Variants in ECPAS observed in about 807,000 individuals in gnomAD.
ECPAS encodes Ecm29 proteasome adaptor and scaffold.
A neutral mutation model predicts 255.1 loss-of-function variants in ECPAS; 70 were observed. The ratio of observed to expected loss-of-function variants is 0.27; its 90% CI spans 0.23 to 0.33. The LOEUF is 0.33. ECPAS is among the 10% of genes least tolerant of loss of function. The probability of loss-of-function intolerance (pLI) is 1.00; values close to 1 mark genes in which losing one functional copy is unlikely to be tolerated. For missense variants in ECPAS, 1,817 were observed against 2,206.4 expected (o/e 0.82, Z 3.54); for synonymous variants, 784 against 775.0 (o/e 1.01, Z -0.19).
chr9:111,426,751 G>A (rs1348926290), intron 10 of ECPAS, among the ~76,000 whole-genome samples: 1 of 150,334 alleles, frequency 6.7e-6, no homozygotes, highest in East Asian at 1.9e-4. Context: ...AAGATCACTT[G>A]AGCCCAGGAG....
At chr9:111,411,337 G>C (rs551769450) in intron 21 of ECPAS, among the ~76,000 whole-genome samples, 195 bp from the exon 22 acceptor site, 1 of 152,316 alleles carries the variant, frequency 6.6e-6, no homozygotes, top group South Asian at 2.1e-4. Flanking sequence ...GTTTCTAACG[G>C]AATTTTGAGA....
Position 111,430,582 on chromosome 9 carries a change from C to A in ECPAS, c.895G>T (p.Val299Leu). Residue 299 changes from valine (V) to leucine (L), a missense_variant, in exon 9 of 50, where the codon GTG (valine) becomes TTG (leucine). Val to Leu is a conservative substitution (Grantham distance 32). This residue lies in a region of ECPAS where 573 missense variants were observed against 716.2 expected (regional missense o/e 0.80). Transcript: ENST00000684092. ...NPAIINKMYKVYLGDIPLKTK... is the reference protein window; with the variant it reads ...NPAIINKMYKLYLGDIPLKTK... ...TTCAGTGGTATATCTCCAAGGTACA[C>A]CTTGTACATCTTATTAATGATGGCA... 1.9e-6 allele frequency: 3 copies of A among 1,600,602 alleles called. No homozygotes were observed. Among genetic ancestry groups the A allele is most frequent in the Non-Finnish European group, 2.6e-6 (3 of 1,172,214 alleles).
Position 111,414,558 on chromosome 9 carries a change from T to C in ECPAS, c.1858A>G (p.Ile620Val), listed in dbSNP as rs1405441806. Residue 620 changes from isoleucine (I) to valine (V), a missense_variant, in exon 19 of 50, where the codon ATT becomes GTT. This residue lies in a region of ECPAS where 573 missense variants were observed against 716.2 expected (regional missense o/e 0.80). Transcript: ENST00000684092. ...LADMQDHAPA[I>V]GRYIRTLMSS... ...ATTAAAGTCCGTATGTAGCGCCCAA[T>C]GGCTGGGGCATGATCCTGCATATCA... 3 of 1,613,998 alleles carry C rather than the reference T, an allele frequency of 1.9e-6. No homozygotes were observed. The highest frequency in any genetic ancestry group is 2.5e-6 in the Non-Finnish European group (3 of 1,179,876).
chr9:111,405,103 G>A (rs1056829585), intron 24 of ECPAS, among the ~76,000 whole-genome samples: 11 of 149,406 alleles, frequency 7.4e-5, no homozygotes, highest in South Asian at 2.1e-4. Flanking sequence ...TGAATAATGA[G>A]CAAGAAATAC....
chr9:111,402,975 T>G (rs1247761660), intron 24 of ECPAS, among the ~76,000 whole-genome samples: 2 of 152,160 alleles, frequency 1.3e-5, no homozygotes, highest in Non-Finnish European at 2.9e-5. Flanking sequence ...ATAAACTGAC[T>G]GTTGATGGAC....
At chr9:111,438,077 C>A (rs980536816) in intron 6 of ECPAS, among the ~76,000 whole-genome samples, 1 of 152,080 alleles carries the variant, frequency 6.6e-6, no homozygotes, top group Non-Finnish European at 1.5e-5. Context: ...CTTAAGGAAT[C>A]GCTTTAATGT....
chr9:111,481,980 G>A (rs1401981066), intron 1 of ECPAS, among the ~76,000 whole-genome samples: 2 of 152,212 alleles, frequency 1.3e-5, no homozygotes, highest in Non-Finnish European at 2.9e-5. Flanking sequence ...TGGGTATCAA[G>A]TTTCCGTTTT....
rs1324532980 is a variant in ECPAS at position 111,370,633 on chromosome 9, G to A, written c.4782-6C>T. The A allele has an allele frequency of 6.2e-7, 1 of 1,609,580 alleles. No individual in the cohort carries two copies. Among genetic ancestry groups the A allele is most frequent in the East Asian group, 2.2e-5 (1 of 44,698 alleles). ...CAGACTTTTCCAGCTCTGCACTACAGGGTCCATACAAAAGCATCAGAAGTT... is the reference window on the plus strand; with the variant it reads ...CAGACTTTTCCAGCTCTGCACTACAAGGTCCATACAAAAGCATCAGAAGTT... On this transcript the variant is annotated splice_polypyrimidine_tract_variant and splice_region_variant and intron_variant, in intron 44 of 49. Coordinates refer to ENST00000684092, the MANE Select transcript of ECPAS (RefSeq NM_001364929.1).
At chr9:111,456,874 C>A (rs951588991) in intron 2 of ECPAS, among the ~76,000 whole-genome samples, 2 of 152,120 alleles carry the variant, frequency 1.3e-5, no homozygotes, top group Admixed American at 1.3e-4. Flanking sequence ...TCCAGGCTTA[C>A]CTCACAAGTA....
At position 111,385,439 on chromosome 9, in the gene ECPAS, A is replaced by G; in HGVS notation, c.3531T>C (p.Cys1177=). The change falls in exon 33 of 50, where the codon TGT becomes TGC. Residue 1177 remains cysteine, a synonymous_variant. Transcript: ENST00000684092. ...SNMWRVRESS[C]LALNDLLRGR... ...CTCTCAATAAATCATTCAAAGCTAAACAGCTGAAAATCAAAATTTCATTTC... is the reference window on the plus strand; with the variant it reads ...CTCTCAATAAATCATTCAAAGCTAAGCAGCTGAAAATCAAAATTTCATTTC... The G allele has an allele frequency of 6.6e-7, 1 of 1,522,402 alleles. No individual in the cohort carries two copies. The highest frequency in any genetic ancestry group is 2.0e-5 in the Admixed American group (1 of 49,566). The allele number at this position is 1,522,402 out of a possible 1,614,324, so 94.3% of individuals were successfully genotyped here.
chr9:111,461,516 C>T (rs183846511), intron 2 of ECPAS, among the ~76,000 whole-genome samples: 134 of 151,908 alleles, frequency 8.8e-4, no homozygotes, highest in Middle Eastern at 3.4e-3. Context: ...GTATACTATG[C>T]TAACAAAAAA....
intron 31 of ECPAS, among the ~76,000 whole-genome samples, chr9:111,388,538 T>C (rs2131597555): frequency 6.6e-6 from 1 of 151,322 alleles, no homozygotes; most frequent in African/African-American, 2.4e-5. Flanking sequence ...ATAGTAAGGA[T>C]CATGGAATTT....
chr9:111,447,356 C>G (rs762264514), intron 3 of ECPAS, among the ~76,000 whole-genome samples: 52 of 152,118 alleles, frequency 3.4e-4, no homozygotes, highest in Non-Finnish European at 7.1e-4. Flanking sequence ...AAAGATCTTC[C>G]AACCTCAGCC....
intron 43 of ECPAS, among the ~76,000 whole-genome samples, chr9:111,371,029 C>G (rs748892236): frequency 6.6e-6 from 1 of 152,152 alleles, no homozygotes; most frequent in Non-Finnish European, 1.5e-5. Flanking sequence ...ACAGTGTCAA[C>G]CACAGAATTG....
chr9:111,379,120 T>C (rs1450035348), intron 35 of ECPAS, among the ~76,000 whole-genome samples: 1 of 152,214 alleles, frequency 6.6e-6, no homozygotes, highest in Admixed American at 6.5e-5. Context: ...ACCTCCTCCA[T>C]ACATACAGCC....
intron 13 of ECPAS, among the ~76,000 whole-genome samples, chr9:111,422,755 G>A (rs926037900): frequency 6.6e-6 from 1 of 152,070 alleles, no homozygotes; most frequent in Non-Finnish European, 1.5e-5. Flanking sequence ...GAAGCCAGGA[G>A]GAACTGGAAT....
At position 111,423,231 on chromosome 9, in the gene ECPAS, T is replaced by C; in HGVS notation, c.1233A>G (p.Ser411=). The C allele has an allele frequency of 6.4e-7, 1 of 1,559,224 alleles. No homozygotes were observed. The highest frequency in any genetic ancestry group is 8.7e-7 in the Non-Finnish European group (1 of 1,149,944). ...NEYKEDPKLL[S]MAYSAVGKLS... Reference sequence around the variant, plus strand: ...GTTTTCCAACAGCTGAATATGCCATTGACAGTAGTTTAGGGTCCTTGAAAT... The same window carrying C: ...GTTTTCCAACAGCTGAATATGCCATCGACAGTAGTTTAGGGTCCTTGAAAT... Residue 411 remains serine (S), a synonymous_variant, in exon 13 of 50, where the codon TCA becomes TCG. Transcript: ENST00000684092.
At chr9:111,436,016 C>A (rs1370222051) in intron 7 of ECPAS, among the ~76,000 whole-genome samples, 28 of 149,722 alleles carry the variant, frequency 1.9e-4, no homozygotes, top group African/African-American at 6.9e-4. Flanking sequence ...TTCTTACTTA[C>A]ATAATAGTTT....
intron 5 of ECPAS, among the ~76,000 whole-genome samples, chr9:111,441,199 T>TAA (rs796076635): frequency 7.7e-4 from 109 of 141,072 alleles, no homozygotes; most frequent in African/African-American, 2.8e-3. Flanking sequence ...AAATAAAAAT[T>TAA]AAAAAAAAAA....
Sources: gnomAD v4.1 joint callset for allele counts (sites outside exome capture counted in the v4.1 genomes callset) on GRCh38, gnomAD v4.1.1 for gene constraint, gnomAD v4.1.1 regional missense constraint, MANE v1.5 for transcripts, NCBI Gene and HGNC (gene_info 2026-07-23, HGNC 2026-07-21) for gene names.